Variants in DIRAS2 observed in about 807,000 individuals in gnomAD.
The protein encoded by DIRAS2 is GTP-binding protein Di-Ras2.
A neutral mutation model predicts 13.9 loss-of-function variants in DIRAS2; 5 were observed. That is an observed-to-expected ratio of 0.36 (90% CI 0.19 to 0.76). The LOEUF is 0.76. Ranked by LOEUF, DIRAS2 falls within the 30% of genes least tolerant of loss-of-function variation. The pLI is 0.53. For missense variants in DIRAS2, 191 were observed against 263.0 expected (o/e 0.73, Z 1.89); for synonymous variants, 111 against 105.4 (o/e 1.05, Z -0.33).
At chr9:90,631,509 C>A (rs748155215) in intron 1 of DIRAS2, among the ~76,000 whole-genome samples, 7 of 152,160 alleles carry the variant, frequency 4.6e-5, no homozygotes, top group Non-Finnish European at 7.4e-5. Context: ...AGGCAGGATT[C>A]CAGTCAGAAG....
chr9:90,635,142 A>T (rs1825358938), intron 1 of DIRAS2, among the ~76,000 whole-genome samples: 1 of 152,244 alleles, frequency 6.6e-6, no homozygotes, highest in African/African-American at 2.4e-5. Context: ...ACACACATGG[A>T]AGAGGAGCAG....
intron 1 of DIRAS2, among the ~76,000 whole-genome samples, chr9:90,618,127 A>G (rs1220323154): frequency 6.6e-6 from 1 of 152,228 alleles, no homozygotes; most frequent in Non-Finnish European, 1.5e-5. Flanking sequence ...TGAAAAATTA[A>G]AAGTGAAAAA....
chr9:90,637,863 G>T lies in DIRAS2; in HGVS notation c.-37+4889C>A, dbSNP rs1300315855. Among the ~76,000 whole-genome samples the T allele has an allele frequency of 2.0e-5, 3 of 152,158 alleles. No individual in the cohort carries two copies. The South Asian group carries it at 6.2e-4, about 32-fold the overall frequency. The stretch of plus-strand genomic sequence containing the variant: ...GAGTCAGATCAGCTGAATCAGAGTC[G>T]CATGGGTTTGAAGTCAGCAGTCTCA... On this transcript the variant is annotated intron_variant, in intron 1 of 1. Transcript: ENST00000375765.
At position 90,613,158 on chromosome 9, in the gene DIRAS2, G is replaced by A; in HGVS notation, c.*70C>T. ...TGGGCATTATACATGCTACCCTGACGACGGTGGGTGTCATTTTGGGGGAGT... is the reference window on the plus strand; with the variant it reads ...TGGGCATTATACATGCTACCCTGACAACGGTGGGTGTCATTTTGGGGGAGT... On this transcript the variant is annotated 3_prime_UTR_variant, in exon 2 of 2. Transcript: ENST00000375765. The surrounding 1 kb of genome is among the most constrained non-coding windows in gnomAD (Gnocchi z 5.6). 1 of 1,558,130 alleles carries A rather than the reference G, an allele frequency of 6.4e-7. No homozygotes were observed. Among genetic ancestry groups the A allele is most frequent in the Non-Finnish European group, 8.7e-7 (1 of 1,153,336 alleles).
intron 1 of DIRAS2, among the ~76,000 whole-genome samples, chr9:90,629,573 G>T (rs980016674): frequency 6.6e-6 from 1 of 151,674 alleles, no homozygotes; most frequent in Non-Finnish European, 1.5e-5. Context: ...CAATACAGTT[G>T]TTCCTTTGTA....
chr9:90,639,648 G>C (rs1272076890), intron 1 of DIRAS2, among the ~76,000 whole-genome samples: 1 of 152,196 alleles, frequency 6.6e-6, no homozygotes, highest in Non-Finnish European at 1.5e-5. Context: ...AGGCATACCT[G>C]TTTCCTTTGT....
chr9:90,620,943 T>A (rs779596852), intron 1 of DIRAS2, among the ~76,000 whole-genome samples: 2 of 152,068 alleles, frequency 1.3e-5, no homozygotes, highest in Non-Finnish European at 2.9e-5. Context: ...AAAATTATCA[T>A]GAAAATAAAA....
intron 1 of DIRAS2, among the ~76,000 whole-genome samples, chr9:90,619,915 T>C (rs986304089): frequency 2.6e-5 from 4 of 152,076 alleles, no homozygotes; most frequent in African/African-American, 9.7e-5. Context: ...GAAAATATTA[T>C]GGCAAGTAAA....
chr9:90,630,101 C>T (rs574610974), intron 1 of DIRAS2, among the ~76,000 whole-genome samples: 73 of 152,276 alleles, frequency 4.8e-4, no homozygotes, highest in Non-Finnish European at 1.0e-3. Context: ...ACTCCCTACT[C>T]GAATATCAAT....
chr9:90,626,818 G>GT (rs1825274092), intron 1 of DIRAS2, among the ~76,000 whole-genome samples: 1 of 152,166 alleles, frequency 6.6e-6, no homozygotes, highest in Admixed American at 6.5e-5. Context: ...TCACACAGCA[G>GT]TATTACTCAC....
intron 1 of DIRAS2, among the ~76,000 whole-genome samples, chr9:90,622,612 T>C (rs1332063962): frequency 6.6e-6 from 1 of 152,232 alleles, no homozygotes; most frequent in African/African-American, 2.4e-5. Context: ...ACTTGATTGA[T>C]AGAGTCCTGA....
chr9:90,635,869 G>T (rs1170942737), intron 1 of DIRAS2, among the ~76,000 whole-genome samples: 3 of 152,082 alleles, frequency 2.0e-5, no homozygotes, highest in Non-Finnish European at 4.4e-5. Context: ...TATTTAGTAC[G>T]AGTGCTACAA....
At chr9:90,614,458 G>A (rs1825148041) in intron 1 of DIRAS2, among the ~76,000 whole-genome samples, 1 of 152,014 alleles carries the variant, frequency 6.6e-6, no homozygotes, top group South Asian at 2.1e-4. Context: ...AGGAGTTGGT[G>A]CCATTAGCTC....
At position 90,612,994 on chromosome 9, in the gene DIRAS2, G is replaced by T; in HGVS notation, c.*234C>A. 1.8e-6 allele frequency: 1 copy of T among 556,796 alleles called. No individual in the cohort carries two copies. The highest frequency in any genetic ancestry group is 3.1e-6 in the Non-Finnish European group (1 of 320,434). 34.5% of individuals were successfully genotyped at this position (556,796 alleles called of 1,614,324 possible). On this transcript the variant is annotated 3_prime_UTR_variant, in exon 2 of 2. Coordinates refer to ENST00000375765, the MANE Select transcript of DIRAS2 (RefSeq NM_017594.5). ...ATTGCTGGCACCTCTCAGTTCCCAG[G>T]GATGCTGAGTGTGTTGGTTTTCACT...
chr9:90,641,919 C>G (rs954112300), intron 1 of DIRAS2, among the ~76,000 whole-genome samples: 1 of 152,192 alleles, frequency 6.6e-6, no homozygotes, highest in Non-Finnish European at 1.5e-5. Flanking sequence ...TGTCTCTGCA[C>G]AGTAGGAAGA....
At chr9:90,634,337 C>T (rs1564022779) in intron 1 of DIRAS2, among the ~76,000 whole-genome samples, 1 of 152,126 alleles carries the variant, frequency 6.6e-6, no homozygotes, top group Non-Finnish European at 1.5e-5. Context: ...ACCTAGGAGC[C>T]ATTAATCAAT....
chr9:90,613,127 A>AAC lies in DIRAS2; in HGVS notation c.*99_*100dup. ...CGCATCTCGATTAAATGCAATGTTTAACACGTGGGCATTATACATGCTACC... is the reference window on the plus strand; with the variant it reads ...CGCATCTCGATTAAATGCAATGTTTAACACACGTGGGCATTATACATGCTACC... On this transcript the variant is annotated 3_prime_UTR_variant, in exon 2 of 2. Transcript: ENST00000375765. This position sits in a 1 kb window ranked among gnomAD's most constrained non-coding sequence, Gnocchi z 5.6. 1 of 1,484,112 alleles carries AAC rather than the reference A, an allele frequency of 6.7e-7. No homozygotes were observed. Among genetic ancestry groups the AAC allele is most frequent in the Non-Finnish European group, 9.1e-7 (1 of 1,103,842 alleles). The allele number at this position is 1,484,112 out of a possible 1,614,324, so 91.9% of individuals were successfully genotyped here. A position where few individuals can be genotyped will look rare whatever the true frequency, so the allele number is the denominator to read the frequency against.
At chr9:90,639,963 A>G (rs1190012636) in intron 1 of DIRAS2, among the ~76,000 whole-genome samples, 1 of 152,224 alleles carries the variant, frequency 6.6e-6, no homozygotes, top group Non-Finnish European at 1.5e-5. Context: ...GCTGGACAAT[A>G]CAGTAGCCAT....
At chr9:90,639,871 T>C (rs777399747) in intron 1 of DIRAS2, among the ~76,000 whole-genome samples, 3 of 152,216 alleles carry the variant, frequency 2.0e-5, no homozygotes, top group Non-Finnish European at 4.4e-5. Context: ...TGTATATTTA[T>C]TTTTGATAGC....
Sources: allele counts gnomAD v4.1 joint callset (sites outside exome capture counted in the v4.1 genomes callset), GRCh38; gene constraint gnomAD v4.1.1; non-coding constraint Gnocchi (gnomAD v3.1); transcripts MANE v1.5; gene names NCBI Gene and HGNC (gene_info 2026-07-23, HGNC 2026-07-21).